PRDM15: variants seen among roughly 807,000 people sequenced by gnomAD.
PRDM15 encodes the protein PR domain zinc finger protein 15.
In PRDM15, 64 loss-of-function variants were observed where a neutral mutation model predicts 128.6. The ratio of observed to expected loss-of-function variants is 0.50; its 90% CI spans 0.41 to 0.61. The LOEUF is 0.61. Ranked by LOEUF, PRDM15 falls within the 20% of genes least tolerant of loss-of-function variation. The pLI is 0.00. For missense variants in PRDM15, 1,242 were observed against 1,569.1 expected (o/e 0.79, Z 3.52); for synonymous variants, 615 against 621.8 (o/e 0.99, Z 0.16).
At chr21:41,822,555 A>T (rs28452131) in intron 14 of PRDM15, among the ~76,000 whole-genome samples, 46,764 of 152,232 alleles carry the variant, frequency 0.31, 7,790 homozygotes, top group Non-Finnish European at 0.37. Context: ...GGTGAGGCCA[A>T]TGCAGTCACA....
At chr21:41,830,765 C>A (rs2062660179) in intron 11 of PRDM15, among the ~76,000 whole-genome samples, 1 of 152,196 alleles carries the variant, frequency 6.6e-6, no homozygotes. Context: ...ACACCTATAT[C>A]CCTGCATCCC....
chr21:41,862,144 G>A lies in PRDM15; in HGVS notation c.-9-1772C>T. The A allele has an allele frequency of 1.5e-6, 1 of 673,282 alleles. No individual in the cohort carries two copies. The allele number at this position is 673,282 out of a possible 1,614,324, so 41.7% of individuals were successfully genotyped here. On this transcript the variant is annotated intron_variant, in intron 1 of 23. Coordinates refer to ENST00000398548, the MANE Select transcript of PRDM15 (RefSeq NM_001040424.3). The surrounding 1 kb of genome is among the most constrained non-coding windows in gnomAD (Gnocchi z 4.1). ...GGGAGGGCGCACGCTTTCATGAGTT[G>A]CTGCTGTGCTACTGGAGGTGTAGGA...
chr21:41,836,306 A>C, intron 9 of PRDM15, 99 bp from the exon 10 acceptor site: 3 of 1,323,564 alleles, frequency 2.3e-6, no homozygotes, highest in Non-Finnish European at 3.2e-6. Flanking sequence ...CCTCGCTCCC[A>C]CCATGCGAAG....
At chr21:41,848,129 G>T (rs1376263063) in intron 5 of PRDM15, among the ~76,000 whole-genome samples, 1 of 152,040 alleles carries the variant, frequency 6.6e-6, no homozygotes, top group African/African-American at 2.4e-5. Context: ...ATCACCCACG[G>T]CAAACTCCAG....
At chr21:41,860,256 G>A (rs1268626308) in intron 2 of PRDM15, 71 bp downstream of exon 2, 9 of 1,209,518 alleles carry the variant, frequency 7.4e-6, no homozygotes, top group Non-Finnish European at 9.7e-6. Flanking sequence ...CAGACAGCAA[G>A]CGCCACGCCC....
chr21:41,817,678 T>C (rs763564264), intron 18 of PRDM15, among the ~76,000 whole-genome samples: 2 of 151,836 alleles, frequency 1.3e-5, no homozygotes, highest in African/African-American at 2.4e-5. Context: ...TGTTCCGATA[T>C]AAAAAGATCT....
At chr21:41,824,596 G>T (rs1022551750) in intron 13 of PRDM15, among the ~76,000 whole-genome samples, 1 of 152,200 alleles carries the variant, frequency 6.6e-6, no homozygotes, top group Non-Finnish European at 1.5e-5. Context: ...CCCCCCAAGG[G>T]GCAGAGGTCA....
Position 41,879,163 on chromosome 21 carries a change from G to A in PRDM15, c.-10+107C>T, listed in dbSNP as rs1434964279. The A allele has an allele frequency of 1.6e-5, 15 of 919,750 alleles. No individual in the cohort carries two copies. Among genetic ancestry groups the A allele is most frequent in the Non-Finnish European group, 2.0e-5 (15 of 763,532 alleles). The allele number at this position is 919,750 out of a possible 1,614,324, so 57.0% of individuals were successfully genotyped here. On this transcript the variant is annotated intron_variant, in intron 1 of 23. Transcript: ENST00000398548. The surrounding 1 kb of genome is among the most constrained non-coding windows in gnomAD (Gnocchi z 5.1). ...CGGCTGCCGGGCGCGGGGGGCGGGGGGCAGCGGGCCCAGGGCGCGCCGGGG... is the reference window on the plus strand; with the variant it reads ...CGGCTGCCGGGCGCGGGGGGCGGGGAGCAGCGGGCCCAGGGCGCGCCGGGG...
At chr21:41,865,222 T>TCCCCACTCCCCACTCCCCGGCTCA (rs2063966118) in intron 1 of PRDM15, among the ~76,000 whole-genome samples, 1 of 151,732 alleles carries the variant, frequency 6.6e-6, no homozygotes, top group Non-Finnish European at 1.5e-5. Flanking sequence ...CACTCCTCAG[T>TCCCCACTCCCCACTCCCCGGCTCA]CTTAGCTTAA....
chr21:41,847,435 G>A (rs1028452916), intron 5 of PRDM15, among the ~76,000 whole-genome samples: 1 of 152,202 alleles, frequency 6.6e-6, no homozygotes, highest in Non-Finnish European at 1.5e-5. Flanking sequence ...AGACACGCCT[G>A]CTGCAGGGTC....
Position 41,878,152 on chromosome 21 carries a change from CAT to C in PRDM15, c.-10+1116_-10+1117del, listed in dbSNP as rs1490274613. Among the ~76,000 whole-genome samples the C allele has an allele frequency of 2.6e-5, 4 of 152,274 alleles. No individual in the cohort carries two copies. The South Asian group carries it at 8.3e-4, about 31-fold the overall frequency. On this transcript the variant is annotated intron_variant, in intron 1 of 23. Coordinates refer to ENST00000398548, the MANE Select transcript of PRDM15 (RefSeq NM_001040424.3). ...CATCACAAAGCCAGTGGCTCCTTCA[CAT>C]GTCACCACCCTTCAGGAACCAAGCT...
At chr21:41,801,761 G>T (rs777817443) in intron 23 of PRDM15, 39 bp from the exon 24 acceptor site, 3 of 1,584,382 alleles carry the variant, frequency 1.9e-6, no homozygotes, top group South Asian at 1.1e-5. Context: ...GTTCATTTTT[G>T]CAAAATGGGG....
intron 1 of PRDM15, among the ~76,000 whole-genome samples, chr21:41,878,425 G>A (rs1299007241): frequency 2.0e-5 from 3 of 152,182 alleles, no homozygotes; most frequent in Non-Finnish European, 4.4e-5. Context: ...CACCAGATAG[G>A]AGTGTTTATT....
Position 41,810,861 on chromosome 21 carries a change from TC to T in PRDM15, c.2393-26del, listed in dbSNP as rs767238510. ...CCTGCAGAGAAAGGCGCACATAACT[TC>T]CTACGTTTAATGAGTGTTGTAAGTC... is the stretch of plus-strand genomic sequence containing the variant. On this transcript the variant is annotated intron_variant, in intron 19 of 23. Transcript: ENST00000398548. This position sits in a 1 kb window ranked among gnomAD's most constrained non-coding sequence, Gnocchi z 6.4. The T allele has an allele frequency of 5.6e-6, 9 of 1,608,388 alleles. No homozygotes were observed. The South Asian group carries it at 9.9e-5, about 18-fold the overall frequency.
chr21:41,859,741 A>G lies in PRDM15; in HGVS notation c.38-56T>C. The G allele has an allele frequency of 6.8e-7, 1 of 1,468,866 alleles. No homozygotes were observed. The highest frequency in any genetic ancestry group is 9.5e-7 in the Non-Finnish European group (1 of 1,058,132). The allele number at this position is 1,468,866 out of a possible 1,614,324, so 91.0% of individuals were successfully genotyped here. ...CCAGGGAGGGAGACACCTAAAGAACACAAACCTGGGAAATGGGGACCCTGG... is the reference window on the plus strand; with the variant it reads ...CCAGGGAGGGAGACACCTAAAGAACGCAAACCTGGGAAATGGGGACCCTGG... On this transcript the variant is annotated intron_variant, in intron 2 of 23. Transcript: ENST00000398548. This position sits in a 1 kb window ranked among gnomAD's most constrained non-coding sequence, Gnocchi z 5.3.
chr21:41,829,120 TCAA>T (rs1399007005), intron 11 of PRDM15, among the ~76,000 whole-genome samples: 58,036 of 128,502 alleles, frequency 0.45, 11,447 homozygotes, highest in East Asian at 0.6. Context: ...CACACCACAC[TCAA>T]CATACCACAC....
At chr21:41,878,567 G>A (rs2064506654) in intron 1 of PRDM15, 2 of 471,634 alleles carry the variant, frequency 4.2e-6, no homozygotes, top group Admixed American at 4.3e-5. Flanking sequence ...GGCCGGGCAC[G>A]CCCCGTCCCC....
At position 41,801,850 on chromosome 21, in the gene PRDM15, G is replaced by T. The variant is rs1285328175; in HGVS notation, c.2944-128C>A. 7.3e-6 allele frequency: 8 copies of T among 1,097,080 alleles called. No individual in the cohort carries two copies. In the African/African-American group the frequency reaches 1.3e-4, roughly 17 times the overall value. 68.0% of individuals were successfully genotyped at this position (1,097,080 alleles called of 1,614,324 possible). A position where few individuals can be genotyped will look rare whatever the true frequency, so the allele number is the denominator to read the frequency against. ...ACATTCTTTGGTGAAAGAGGAAACC[G>T]AGTTAATTTTGTTCTGGAAAAATTC... On this transcript the variant is annotated intron_variant, in intron 23 of 23. Coordinates refer to ENST00000398548, the MANE Select transcript of PRDM15 (RefSeq NM_001040424.3).
At position 41,854,036 on chromosome 21, in the gene PRDM15, C is replaced by T. The variant is rs935468278; in HGVS notation, c.538+530G>A. On this transcript the variant is annotated intron_variant, in intron 5 of 23. Coordinates refer to ENST00000398548, the MANE Select transcript of PRDM15 (RefSeq NM_001040424.3). This position sits in a 1 kb window ranked among gnomAD's most constrained non-coding sequence, Gnocchi z 4.6. ...CCCAGGGCAGAGCTAAGCAGTCATGCGCCATGTGACAAGGTTTCAGTCAAA... is the reference window on the plus strand; with the variant it reads ...CCCAGGGCAGAGCTAAGCAGTCATGTGCCATGTGACAAGGTTTCAGTCAAA... 1.3e-5 allele frequency among the ~76,000 whole-genome samples: 2 copies of T among 152,212 alleles called. No homozygotes were observed. The highest frequency in any genetic ancestry group is 2.4e-5 in the African/African-American group (1 of 41,462).
Sources: allele counts gnomAD v4.1 joint callset (sites outside exome capture counted in the v4.1 genomes callset), GRCh38; gene constraint gnomAD v4.1.1; non-coding constraint Gnocchi (gnomAD v3.1); transcripts MANE v1.5; gene names NCBI Gene and HGNC (gene_info 2026-07-23, HGNC 2026-07-21).